Variants in KAZN observed in about 807,000 individuals in gnomAD.
KAZN encodes the protein kazrin.
In KAZN, 40 loss-of-function variants were observed where a neutral mutation model predicts 87.4. That is an observed-to-expected ratio of 0.46 (90% confidence interval 0.36 to 0.60). KAZN has a LOEUF of 0.60. Ranked by LOEUF, KAZN falls within the 20% of genes least tolerant of loss-of-function variation. KAZN has a pLI of 0.00. For missense variants in KAZN, 898 were observed against 1,073.9 expected (o/e 0.84, Z 2.29); for synonymous variants, 466 against 458.3 (o/e 1.02, Z -0.22).
chr1:14,944,683 G>A (rs538200433), intron 1 of KAZN, among the ~76,000 whole-genome samples: 1 of 152,362 alleles, frequency 6.6e-6, no homozygotes, highest in East Asian at 1.9e-4. Context: ...TGCTGTTCCC[G>A]GGGCCTTGGG....
At chr1:14,765,208 T>C (rs1644853700) in intron 1 of KAZN, among the ~76,000 whole-genome samples, 1 of 152,184 alleles carries the variant, frequency 6.6e-6, no homozygotes, top group Non-Finnish European at 1.5e-5. Flanking sequence ...AGTATCATTC[T>C]CCCCATAGTA....
intron 1 of KAZN, among the ~76,000 whole-genome samples, chr1:14,754,370 C>T (rs1042777847): frequency 1.3e-5 from 2 of 152,226 alleles, no homozygotes; most frequent in Non-Finnish European, 2.9e-5. Context: ...TGGTGGCTCA[C>T]ACCTGTAATC....
chr1:14,301,036 G>A (rs1654514879), intron 2 of KAZN, among the ~76,000 whole-genome samples: 1 of 152,148 alleles, frequency 6.6e-6, no homozygotes, highest in South Asian at 2.1e-4. Context: ...GCAAGGATTG[G>A]TGAAATCCAC....
intron 2 of KAZN, among the ~76,000 whole-genome samples, chr1:14,377,202 C>T (rs1481027467): frequency 2.6e-5 from 4 of 152,176 alleles, no homozygotes; most frequent in Non-Finnish European, 2.9e-5. Flanking sequence ...TACAAAATAA[C>T]ATGAGGGCAG....
At chr1:14,134,754 C>T (rs749663130) in intron 1 of KAZN, among the ~76,000 whole-genome samples, 4 of 152,108 alleles carry the variant, frequency 2.6e-5, no homozygotes, top group Non-Finnish European at 4.4e-5. Context: ...ATGGTACTCT[C>T]GGAACACACT....
intron 1 of KAZN, among the ~76,000 whole-genome samples, chr1:14,133,485 T>G (rs2101742574): frequency 6.6e-6 from 1 of 151,770 alleles, no homozygotes; most frequent in East Asian, 1.9e-4. Flanking sequence ...GAAAATAATT[T>G]TCTCCTCTAT....
chr1:14,077,890 G>A (rs1643522905), intron 1 of KAZN, among the ~76,000 whole-genome samples: 1 of 152,144 alleles, frequency 6.6e-6, no homozygotes, highest in Non-Finnish European at 1.5e-5. Flanking sequence ...TCCAAGCCAG[G>A]GAATGCCAAG....
chr1:14,106,301 G>A (rs1265159751), intron 1 of KAZN, among the ~76,000 whole-genome samples: 1 of 152,196 alleles, frequency 6.6e-6, no homozygotes. Context: ...ACAATCCCCA[G>A]GTGGTCATAG....
intron 1 of KAZN, among the ~76,000 whole-genome samples, chr1:14,071,787 A>G (rs1643258022): frequency 6.6e-6 from 1 of 152,224 alleles, no homozygotes; most frequent in South Asian, 2.1e-4. Flanking sequence ...GTGGTCTCCC[A>G]GAAATACTTG....
chr1:14,116,559 G>A (rs920930575), intron 1 of KAZN, among the ~76,000 whole-genome samples: 8 of 152,362 alleles, frequency 5.3e-5, no homozygotes, highest in Middle Eastern at 3.4e-3. Flanking sequence ...GAAGTTTGCT[G>A]CAGGGGCAGG....
At chr1:13,963,564 CTTTATGAATGAGTCTA>C (rs1188637055) in intron 1 of KAZN, among the ~76,000 whole-genome samples, 1 of 152,160 alleles carries the variant, frequency 6.6e-6, no homozygotes, top group East Asian at 1.9e-4. Flanking sequence ...CCTCTGGCTC[CTTTATGAATGAGTCTA>C]TCATCCAGGC....
chr1:14,818,559 G>A (rs1292541558), intron 1 of KAZN, among the ~76,000 whole-genome samples: 1 of 152,210 alleles, frequency 6.6e-6, no homozygotes, highest in Admixed American at 6.5e-5. Context: ...TGAGTTTGAG[G>A]CATGAGGCCA....
exon 1 of KAZN, chr1:13,892,912 C>T (rs1264649181): frequency 6.6e-6 from 1 of 152,244 alleles, no homozygotes; most frequent in African/African-American, 2.4e-5. Flanking sequence ...CTCAGTCCCT[C>T]CCTGCTGCCA....
chr1:14,419,747 T>C (rs749197729), intron 2 of KAZN, among the ~76,000 whole-genome samples: 2 of 151,968 alleles, frequency 1.3e-5, no homozygotes, highest in Admixed American at 1.3e-4. Flanking sequence ...TTAGGACTCT[T>C]AAGGCGGTGC....
intron 2 of KAZN, among the ~76,000 whole-genome samples, chr1:14,293,106 A>G (rs1571237638): frequency 6.6e-6 from 1 of 152,180 alleles, no homozygotes; most frequent in South Asian, 2.1e-4. Context: ...TGGCAGCCTC[A>G]TTTCCATTTT....
intron 1 of KAZN, among the ~76,000 whole-genome samples, chr1:14,767,673 A>G (rs1304325037): frequency 2.6e-5 from 4 of 152,224 alleles, no homozygotes; most frequent in African/African-American, 9.6e-5. Flanking sequence ...AAAGACCTCT[A>G]TAGATGAATC....
chr1:14,900,549 C>T (rs146439306), intron 1 of KAZN, among the ~76,000 whole-genome samples: 2,270 of 152,034 alleles, frequency 0.015, 53 homozygotes, highest in African/African-American at 0.053. Context: ...GTCAGGAGAT[C>T]GAGACCATTC....
chr1:15,041,053 C>A (rs926481898), intron 3 of KAZN, among the ~76,000 whole-genome samples: 1 of 151,834 alleles, frequency 6.6e-6, no homozygotes, highest in Non-Finnish European at 1.5e-5. Flanking sequence ...TGAGTTCAAG[C>A]GATTCTCGTG....
intron 1 of KAZN, among the ~76,000 whole-genome samples, chr1:14,904,524 C>G (rs1465857972): frequency 6.6e-6 from 1 of 152,174 alleles, no homozygotes; most frequent in African/African-American, 2.4e-5. Flanking sequence ...GCGGGACGTC[C>G]CCCTGTATGT....
Sources: allele counts gnomAD v4.1 joint callset (sites outside exome capture counted in the v4.1 genomes callset), GRCh38; gene constraint gnomAD v4.1.1; transcripts MANE v1.5; gene names NCBI Gene and HGNC (gene_info 2026-07-23, HGNC 2026-07-21).